Variants in XYLT1 observed in about 807,000 individuals in gnomAD.
XYLT1 encodes xylosyltransferase 1.
XYLT1 carries 36 observed loss-of-function variants against 91.3 expected under a neutral mutation model. That is an observed-to-expected ratio of 0.39 (90% CI 0.30 to 0.52). The LOEUF is 0.52. XYLT1 is among the 20% of genes least tolerant of loss of function. The pLI, the probability that XYLT1 is intolerant of heterozygous loss-of-function variation, is 0.68. For synonymous variants in XYLT1, 588 were observed against 532.0 expected (o/e 1.11, Z -1.45); for missense variants, 1,242 against 1,284.5 (o/e 0.97, Z 0.51).
intron 2 of XYLT1, among the ~76,000 whole-genome samples, chr16:17,341,784 C>G (rs1029750482): frequency 3.3e-5 from 5 of 152,148 alleles, no homozygotes; most frequent in African/African-American, 1.2e-4. Flanking sequence ...CTGTAGGTCC[C>G]GTATGCTCTA....
intron 1 of XYLT1, among the ~76,000 whole-genome samples, chr16:17,389,795 T>C (rs1327117609): frequency 6.6e-6 from 1 of 152,190 alleles, no homozygotes; most frequent in Non-Finnish European, 1.5e-5. Flanking sequence ...TTAAACAAAA[T>C]TCTCCACTAA....
At chr16:17,388,284 A>G (rs977463945) in intron 1 of XYLT1, among the ~76,000 whole-genome samples, 2 of 152,248 alleles carry the variant, frequency 1.3e-5, no homozygotes, top group Admixed American at 1.3e-4. Context: ...AATTCGAAGT[A>G]AGGCTTCTGC....
intron 2 of XYLT1, among the ~76,000 whole-genome samples, chr16:17,335,152 G>A (rs976811480): frequency 6.6e-5 from 10 of 151,584 alleles, no homozygotes; most frequent in African/African-American, 2.2e-4. Context: ...CTGAACGCGG[G>A]GACGTTGCAG....
At chr16:17,364,803 G>T (rs2035429573) in intron 1 of XYLT1, among the ~76,000 whole-genome samples, 1 of 152,198 alleles carries the variant, frequency 6.6e-6, no homozygotes, top group Admixed American at 6.5e-5. Flanking sequence ...AAGTTTGTAA[G>T]TTGCCAGAAA....
intron 1 of XYLT1, among the ~76,000 whole-genome samples, chr16:17,396,186 G>A (rs1181799343): frequency 3.9e-5 from 6 of 152,176 alleles, no homozygotes; most frequent in African/African-American, 4.8e-5. Context: ...TTGCAAAACC[G>A]GAAATAATGC....
At chr16:17,236,863 T>TG (rs2033257358) in intron 3 of XYLT1, among the ~76,000 whole-genome samples, 1 of 152,216 alleles carries the variant, frequency 6.6e-6, no homozygotes, top group Admixed American at 6.5e-5. Flanking sequence ...CACGCTCTAA[T>TG]GACCTCACTT....
chr16:17,324,995 A>T (rs2034777221), intron 2 of XYLT1, among the ~76,000 whole-genome samples: 1 of 151,750 alleles, frequency 6.6e-6, no homozygotes, highest in Non-Finnish European at 1.5e-5. Flanking sequence ...TATGGATGTT[A>T]TTTATTTATA....
chr16:17,310,031 T>A (rs1197375638), intron 2 of XYLT1, among the ~76,000 whole-genome samples: 1 of 152,168 alleles, frequency 6.6e-6, no homozygotes, highest in Admixed American at 6.5e-5. Flanking sequence ...CCTGTAAAGA[T>A]GGGATCAGAT....
intron 1 of XYLT1, among the ~76,000 whole-genome samples, chr16:17,398,968 C>T (rs2035928379): frequency 6.6e-6 from 1 of 152,014 alleles, no homozygotes; most frequent in Non-Finnish European, 1.5e-5. Flanking sequence ...CCTCAGCCTC[C>T]TGAGTAGCTG....
chr16:17,336,317 C>A (rs2034978668), intron 2 of XYLT1, among the ~76,000 whole-genome samples: 1 of 152,190 alleles, frequency 6.6e-6, no homozygotes, highest in South Asian at 2.1e-4. Context: ...ACGGCGGTTC[C>A]CCAGTGTTTC....
chr16:17,364,211 T>C, intron 1 of XYLT1, among the ~76,000 whole-genome samples: 1 of 152,196 alleles, frequency 6.6e-6, no homozygotes. Flanking sequence ...TTTATTTTTC[T>C]CACTGACCCC....
At chr16:17,408,298 A>C (rs1489648354) in intron 1 of XYLT1, among the ~76,000 whole-genome samples, 1 of 152,224 alleles carries the variant, frequency 6.6e-6, no homozygotes, top group Non-Finnish European at 1.5e-5. Flanking sequence ...GCAATCATTG[A>C]GTGTGAACAT....
At chr16:17,172,466 CTTTTTT>C (rs1157952692) in intron 5 of XYLT1, among the ~76,000 whole-genome samples, 1 of 102,626 alleles carries the variant, frequency 9.7e-6, no homozygotes, top group East Asian at 3.0e-4. Flanking sequence ...GCGTTCATTT[CTTTTTT>C]TTTTTTTTTT....
intron 3 of XYLT1, among the ~76,000 whole-genome samples, chr16:17,222,469 A>G (rs1016759603): frequency 2.0e-5 from 3 of 152,190 alleles, no homozygotes; most frequent in Non-Finnish European, 2.9e-5. Context: ...GTGATCCTGA[A>G]AAAGATTGTC....
intron 5 of XYLT1, among the ~76,000 whole-genome samples, chr16:17,162,057 A>T (rs1170887781): frequency 6.6e-6 from 1 of 152,220 alleles, no homozygotes; most frequent in Non-Finnish European, 1.5e-5. Context: ...GCCCTAGGCC[A>T]TGGGGAAAGA....
intron 5 of XYLT1, among the ~76,000 whole-genome samples, chr16:17,180,706 CT>C (rs1281961205): frequency 1.3e-5 from 2 of 152,180 alleles, no homozygotes; most frequent in Admixed American, 6.5e-5. Context: ...CCATTCTCCA[CT>C]TTTGGATTAA....
chr16:17,353,816 T>G (rs1004301966), intron 2 of XYLT1, among the ~76,000 whole-genome samples: 1 of 152,244 alleles, frequency 6.6e-6, no homozygotes, highest in African/African-American at 2.4e-5. Context: ...CAAGGCAACT[T>G]TATTTTCTTG....
At chr16:17,127,995 C>T (rs1236126201) in intron 9 of XYLT1, 134 bp from the exon 10 acceptor site, 2 of 715,526 alleles carry the variant, frequency 2.8e-6, no homozygotes, top group East Asian at 5.5e-5. Flanking sequence ...CTTGCGTCCT[C>T]TGTATCTATG....
intron 5 of XYLT1, among the ~76,000 whole-genome samples, chr16:17,186,918 C>G (rs1187472181): frequency 6.6e-6 from 1 of 152,054 alleles, no homozygotes; most frequent in African/African-American, 2.4e-5. Flanking sequence ...TGGGGATGAA[C>G]ACGGAGAGAT....
Sources: allele counts gnomAD v4.1 joint callset (sites outside exome capture counted in the v4.1 genomes callset), GRCh38; gene constraint gnomAD v4.1.1; transcripts MANE v1.5; gene names NCBI Gene and HGNC (gene_info 2026-07-23, HGNC 2026-07-21).